The following INTS1 variants were observed in gnomAD, a reference collection of about 807,000 sequenced individuals.
The protein encoded by INTS1 is integrator complex subunit 1.
Under a neutral mutation model 241.6 loss-of-function variants are expected in INTS1, and 137 were observed. That is an observed-to-expected ratio of 0.57 (90% CI 0.49 to 0.65). The LOEUF is 0.65. Ranked by LOEUF, INTS1 falls within the 30% of genes least tolerant of loss-of-function variation. INTS1 has a pLI of 0.00. For synonymous variants in INTS1, 1,692 were observed against 1,337.8 expected, an observed-to-expected ratio of 1.26 and a Z score of -5.78; for missense variants, 3,073 against 3,032.2, an observed-to-expected ratio of 1.01 and a Z score of -0.32.
intron 26 of INTS1, 128 bp downstream of exon 26, chr7:1,483,614 C>T: frequency 1.4e-6 from 1 of 738,982 alleles, no homozygotes. Flanking sequence ...GAAGCCAGGA[C>T]ACAGGGTTGA....
Position 1,476,227 on chromosome 7 carries a change from A to C in INTS1, c.5378+2T>G. 2 of 1,550,096 alleles carry C rather than the reference A, an allele frequency of 1.3e-6. No individual in the cohort carries two copies. The highest frequency in any genetic ancestry group is 1.7e-6 in the Non-Finnish European group (2 of 1,148,340). ...GCATCTGGGGCCGGGGGGCCTGAGC[A>C]CCTGTCTCCCCACTGCTGGATGCAG... is the stretch of plus-strand genomic sequence containing the variant. On this transcript the variant is annotated splice_donor_variant, in intron 38 of 47. Coordinates refer to ENST00000404767, the MANE Select transcript of INTS1 (RefSeq NM_001080453.3). LOFTEE classifies it high-confidence loss of function.
chr7:1,484,318 G>A (rs2128537558), intron 24 of INTS1, 148 bp from the exon 25 acceptor site: 2 of 813,776 alleles, frequency 2.5e-6, no homozygotes, highest in South Asian at 3.7e-5. Flanking sequence ...AGGCCGCCAG[G>A]GAAGACGACC....
At chr7:1,476,493 G>GCCTCTCCCGGATGGGTCACCC in intron 37 of INTS1, 38 bp from the exon 38 acceptor site, 1 of 1,190,078 alleles carries the variant, frequency 8.4e-7, no homozygotes, top group Non-Finnish European at 1.2e-6. Context: ...GAGCACCACC[G>GCCTCTCCCGGATGGGTCACCC]CCTCTCCCGG....
chr7:1,487,429 G>A lies in INTS1; in HGVS notation c.2537C>T (p.Pro846Leu), dbSNP rs768695635. 1 of 1,611,802 alleles carries A rather than the reference G, an allele frequency of 6.2e-7. No individual in the cohort carries two copies. ...LDPQGPPRRP[P>L]PHILDQVKSL... ...TTTCACTTGATCCAGGATGTGAGGG[G>A]GAGGCCTCCGGGGGGGCCCCCTGAG... The change falls in exon 20 of 48, where the codon CCC becomes CTC. Residue 846 changes from proline to leucine, a missense_variant. By Grantham distance (98) the Pro-to-Leu change is moderately conservative. Transcript: ENST00000404767.
chr7:1,480,500 G>T (rs888076282), intron 29 of INTS1, 59 bp from the exon 30 acceptor site: 2 of 1,573,966 alleles, frequency 1.3e-6, no homozygotes, highest in Non-Finnish European at 1.7e-6. Flanking sequence ...TCCAGCGGTG[G>T]GAACTGTACA....
chr7:1,487,988 GCCC>G lies in INTS1; in HGVS notation c.2319-34_2319-32del, dbSNP rs773591123. 2.5e-6 allele frequency: 4 copies of G among 1,607,728 alleles called. No homozygotes were observed. In the African/African-American group the frequency reaches 5.3e-5, roughly 21 times the overall value. On this transcript the variant is annotated intron_variant, in intron 18 of 47. Transcript: ENST00000404767. Reference sequence around the variant, plus strand: ...GCCAGACGGGGGAGCGTGTCACCCTGCCCCCCATGAAGGGCTCACTCCCAGTGG... The same window carrying G: ...GCCAGACGGGGGAGCGTGTCACCCTGCCCATGAAGGGCTCACTCCCAGTGG...
chr7:1,488,775 C>A (rs1400465836), intron 18 of INTS1, among the ~76,000 whole-genome samples: 1 of 152,180 alleles, frequency 6.6e-6, no homozygotes, highest in Non-Finnish European at 1.5e-5. Flanking sequence ...GCTCATCGGC[C>A]CTCGCCCACA....
intron 18 of INTS1, among the ~76,000 whole-genome samples, chr7:1,488,834 C>T (rs911206439): frequency 6.6e-6 from 1 of 152,184 alleles, no homozygotes; most frequent in South Asian, 2.1e-4. Flanking sequence ...GAGCCCTGGG[C>T]GTCTCCTAGG....
chr7:1,501,042 T>C (rs1441596928), intron 3 of INTS1: 1 of 152,144 alleles, frequency 6.6e-6, no homozygotes, highest in East Asian at 1.9e-4. Flanking sequence ...CCCACCACTT[T>C]GGGAGGCTGA....
In INTS1 at chr7:1,481,336, T is replaced by A. The variant is rs1358845394; in HGVS notation, c.3850+6A>T. The A allele has an allele frequency of 1.9e-6, 3 of 1,612,646 alleles. No individual in the cohort carries two copies. The Admixed American group carries it at 5.0e-5, about 27-fold the overall frequency. On this transcript the variant is annotated splice_donor_region_variant and intron_variant, in intron 28 of 47. Coordinates refer to ENST00000404767, the MANE Select transcript of INTS1 (RefSeq NM_001080453.3). This position sits in a 1 kb window ranked among gnomAD's most constrained non-coding sequence, Gnocchi z 6.8. ...GAACCCACTCCGCAGGTCCCTGGCA[T>A]CTTACTCTTGTCCATGATGTTCTGC...
chr7:1,474,039 G>A (rs1022659442), intron 41 of INTS1, 129 bp downstream of exon 41: 34 of 1,103,564 alleles, frequency 3.1e-5, no homozygotes, highest in Non-Finnish European at 3.9e-5. Flanking sequence ...CTGGTCCCCA[G>A]GGCAGGTGGC....
chr7:1,481,823 G>A lies in INTS1; in HGVS notation c.3704-335C>T, dbSNP rs564842819. Among the ~76,000 whole-genome samples the A allele has an allele frequency of 9.2e-5, 14 of 152,202 alleles. No individual in the cohort carries two copies. Among genetic ancestry groups the A allele is most frequent in the South Asian group, 6.2e-4 (3 of 4,818 alleles). ...GTGACCCCACCCGAGACCTGGGGCCGCACAAGGGGGCAGCGTGTCGGGACC... is the reference window on the plus strand; with the variant it reads ...GTGACCCCACCCGAGACCTGGGGCCACACAAGGGGGCAGCGTGTCGGGACC... On this transcript the variant is annotated intron_variant, in intron 27 of 47. Transcript: ENST00000404767. The surrounding 1 kb of genome is among the most constrained non-coding windows in gnomAD (Gnocchi z 6.8).
intron 18 of INTS1, among the ~76,000 whole-genome samples, chr7:1,488,734 C>T (rs916907178): frequency 4.6e-5 from 7 of 152,220 alleles, no homozygotes; most frequent in African/African-American, 1.7e-4. Flanking sequence ...GTGTGGTGCC[C>T]TCACTGGTGA....
At chr7:1,501,151 G>T (rs1415175401) in intron 3 of INTS1, 1 of 152,008 alleles carries the variant, frequency 6.6e-6, no homozygotes, top group Non-Finnish European at 1.5e-5. Flanking sequence ...CAGGCGTGGT[G>T]GTGCATGCCT....
Position 1,472,279 on chromosome 7 carries a change from C to A in INTS1, c.6178G>T (p.Val2060Leu). The A allele has an allele frequency of 6.4e-7, 1 of 1,552,758 alleles. No homozygotes were observed. Among genetic ancestry groups the A allele is most frequent in the Non-Finnish European group, 8.7e-7 (1 of 1,148,184 alleles). The change falls in exon 44 of 48, where the codon GTG becomes TTG. Residue 2060 changes from valine (V) to leucine (L), a missense_variant. Physicochemically the swap from Val to Leu is conservative, Grantham distance 32. Transcript: ENST00000404767. ...YMKRLSRGQT[V>L]EDLLEVLSDI... Reference sequence around the variant, plus strand: ...GAAGCAGGGCCTGACTCACCCTCCACCGTTTGGCCCCGGGAAAGCCGTTTC... The same window carrying A: ...GAAGCAGGGCCTGACTCACCCTCCAACGTTTGGCCCCGGGAAAGCCGTTTC...
At chr7:1,473,223 T>C (rs1781555173) in intron 42 of INTS1, 39 bp from the exon 43 acceptor site, 5 of 1,454,620 alleles carry the variant, frequency 3.4e-6, no homozygotes, top group Non-Finnish European at 4.8e-6. Context: ...AGGAAGACGC[T>C]GGCAGGAGGA....
In INTS1 at chr7:1,481,553, C is replaced by T. The variant is rs527356826; in HGVS notation, c.3704-65G>A. 2.5e-4 allele frequency: 376 copies of T among 1,518,096 alleles called. No homozygotes were observed. The African/African-American group carries it at 4.5e-3, about 18-fold the overall frequency. 94.0% of individuals were successfully genotyped at this position (1,518,096 alleles called of 1,614,324 possible). A position where few individuals can be genotyped will look rare whatever the true frequency, so the allele number is the denominator to read the frequency against. On this transcript the variant is annotated intron_variant, in intron 27 of 47. Transcript: ENST00000404767. This position sits in a 1 kb window ranked among gnomAD's most constrained non-coding sequence, Gnocchi z 6.8. ...GGCAATGCGCACTCGGGACCCCACCCGAGACCTGGGGCTGCCTGTGTGCAG... is the reference window on the plus strand; with the variant it reads ...GGCAATGCGCACTCGGGACCCCACCTGAGACCTGGGGCTGCCTGTGTGCAG...
chr7:1,503,303 C>A, intron 2 of INTS1, 112 bp from the exon 3 acceptor site: 7 of 1,188,644 alleles, frequency 5.9e-6, no homozygotes, highest in South Asian at 1.6e-5. Flanking sequence ...TCAGAGGAGG[C>A]AAGGAAGAAG....
intron 45 of INTS1, 91 bp downstream of exon 45, chr7:1,471,480 G>T: frequency 7.2e-7 from 1 of 1,397,940 alleles, no homozygotes; most frequent in East Asian, 2.3e-5. Context: ...CTGGGGCTCA[G>T]CGCGGGCACG....
Sources: allele counts gnomAD v4.1 joint callset (sites outside exome capture counted in the v4.1 genomes callset), GRCh38; gene constraint gnomAD v4.1.1; non-coding constraint Gnocchi (gnomAD v3.1); transcripts MANE v1.5; gene names NCBI Gene and HGNC (gene_info 2026-07-23, HGNC 2026-07-21).